The following VDAC1 variants were observed in gnomAD, a reference collection of about 807,000 sequenced individuals.
VDAC1 encodes the protein voltage dependent anion channel 1.
Under a neutral mutation model 34.7 loss-of-function variants are expected in VDAC1, and 10 were observed. The ratio of observed to expected loss-of-function variants is 0.29; its 90% CI spans 0.18 to 0.49. The LOEUF (loss-of-function observed/expected upper bound fraction) is 0.49. Ranked by LOEUF, VDAC1 falls within the 20% of genes least tolerant of loss-of-function variation. The probability of loss-of-function intolerance (pLI) is 0.99; values close to 1 mark genes in which losing one functional copy is unlikely to be tolerated. For synonymous variants in VDAC1, 130 were observed against 136.0 expected (o/e 0.96, Z 0.30); for missense variants, 230 against 347.9 (o/e 0.66, Z 2.69).
chr5:134,076,131 C>T, the VDAC1 span, among the ~76,000 whole-genome samples: 2 of 152,188 alleles, frequency 1.3e-5, no homozygotes, highest in African/African-American at 4.8e-5. Flanking sequence ...AGGCACATGC[C>T]ACCATGTCTG....
chr5:134,059,370 G>A, the VDAC1 span, among the ~76,000 whole-genome samples: 19 of 152,252 alleles, frequency 1.2e-4, no homozygotes, highest in African/African-American at 2.9e-4. Context: ...AAGAGGAAGC[G>A]GCTGGCATCA....
chr5:134,074,130 G>A, the VDAC1 span, among the ~76,000 whole-genome samples: 2 of 151,906 alleles, frequency 1.3e-5, no homozygotes, highest in South Asian at 4.2e-4. Context: ...GGCTAACATG[G>A]TGAAACCCCA....
chr5:134,044,086 C>T, the VDAC1 span, among the ~76,000 whole-genome samples: 161 of 152,294 alleles, frequency 1.1e-3, no homozygotes, highest in African/African-American at 3.7e-3. Flanking sequence ...CCAGAGCAGG[C>T]GATGTTTTTG....
chr5:134,102,636 C>G, the VDAC1 span, among the ~76,000 whole-genome samples: 1 of 152,100 alleles, frequency 6.6e-6, no homozygotes, highest in African/African-American at 2.4e-5. Flanking sequence ...CTATTGCACT[C>G]TAGCTTGGGC....
At chr5:134,100,027 G>A in the VDAC1 span, among the ~76,000 whole-genome samples, 1 of 152,250 alleles carries the variant, frequency 6.6e-6, no homozygotes, top group Non-Finnish European at 1.5e-5. Context: ...AACACGCCCT[G>A]TGAGCCCAGC....
At chr5:134,005,528 G>C (rs1753729749), upstream of VDAC1, 1 of 152,234 alleles carries the variant, frequency 6.6e-6, no homozygotes, top group African/African-American at 2.4e-5. Context: ...CATTTGAGAG[G>C]CAAAAAGACA....
chr5:134,029,310 A>G, the VDAC1 span, among the ~76,000 whole-genome samples: 1 of 152,318 alleles, frequency 6.6e-6, no homozygotes, highest in African/African-American at 2.4e-5. Context: ...CTCCTGACCT[A>G]CAGAAAATAT....
chr5:134,081,678 A>T, the VDAC1 span, among the ~76,000 whole-genome samples: 1 of 152,080 alleles, frequency 6.6e-6, no homozygotes, highest in Non-Finnish European at 1.5e-5. Flanking sequence ...CCATAATTCC[A>T]GTCTTAGAAC....
chr5:133,994,337 A>G (rs1002314081), intron 1 of VDAC1, among the ~76,000 whole-genome samples: 1 of 152,186 alleles, frequency 6.6e-6, no homozygotes, highest in East Asian at 1.9e-4. Flanking sequence ...TGCTTTGTTA[A>G]TTTTATCCCA....
At chr5:134,090,637 C>T in the VDAC1 span, among the ~76,000 whole-genome samples, 1 of 152,222 alleles carries the variant, frequency 6.6e-6, no homozygotes, top group African/African-American at 2.4e-5. Context: ...CTCCCACCAA[C>T]CTCCGCTCAA....
At chr5:134,087,337 G>A in the VDAC1 span, among the ~76,000 whole-genome samples, 1 of 151,910 alleles carries the variant, frequency 6.6e-6, no homozygotes, top group African/African-American at 2.4e-5. Flanking sequence ...CACCTGAAAG[G>A]TCCGGGGAAG....
At chr5:134,004,227 T>C (rs1023729242) in intron 1 of VDAC1, among the ~76,000 whole-genome samples, 1 of 151,726 alleles carries the variant, frequency 6.6e-6, no homozygotes, top group Non-Finnish European at 1.5e-5. Flanking sequence ...CCCGCTGGCC[T>C]GGTCCGGCGA....
chr5:134,099,535 G>A, the VDAC1 span, among the ~76,000 whole-genome samples: 3 of 152,082 alleles, frequency 2.0e-5, no homozygotes, highest in South Asian at 2.1e-4. Context: ...CATGCTGCAC[G>A]GCCTCCTGGA....
chr5:133,975,815 C>T, intron 7 of VDAC1, 56 bp downstream of exon 7: 1 of 1,597,778 alleles, frequency 6.3e-7, no homozygotes, highest in African/African-American at 1.3e-5. Flanking sequence ...TGAAGGATTC[C>T]AACATAAAGA....
chr5:134,054,458 C>CTTTTTTTTTTTTTTTT, the VDAC1 span, among the ~76,000 whole-genome samples: 4 of 123,544 alleles, frequency 3.2e-5, no homozygotes, highest in Admixed American at 9.3e-5. Flanking sequence ...TCCTTCCTTC[C>CTTTTTTTTTTTTTTTT]TTTTTTTTTT....
chr5:134,019,599 C>G, the VDAC1 span, among the ~76,000 whole-genome samples: 142 of 152,066 alleles, frequency 9.3e-4, 1 homozygote, highest in Middle Eastern at 0.017. Flanking sequence ...AACAAACAAA[C>G]AAAAAATAGA....
the VDAC1 span, among the ~76,000 whole-genome samples, chr5:134,070,628 T>C: frequency 1.3e-5 from 2 of 152,348 alleles, no homozygotes; most frequent in South Asian, 4.1e-4. Flanking sequence ...CAGGCTTATA[T>C]AGTTATTGGT....
the VDAC1 span, among the ~76,000 whole-genome samples, chr5:134,022,988 G>T: frequency 1.3e-5 from 2 of 152,246 alleles, no homozygotes; most frequent in African/African-American, 4.8e-5. Context: ...ATACCCAAAG[G>T]ATTATAAATC....
chr5:134,069,196 A>C, the VDAC1 span, among the ~76,000 whole-genome samples: 1 of 152,218 alleles, frequency 6.6e-6, no homozygotes, highest in Non-Finnish European at 1.5e-5. Context: ...AATTAGAAAC[A>C]AAAACTTCAA....
Sources: gnomAD v4.1 joint callset for allele counts (sites outside exome capture counted in the v4.1 genomes callset) on GRCh38, gnomAD v4.1.1 for gene constraint, MANE v1.5 for transcripts, NCBI Gene and HGNC (gene_info 2026-07-23, HGNC 2026-07-21) for gene names.